USP46: variants seen among roughly 807,000 people sequenced by gnomAD.
USP46 encodes the protein ubiquitin specific peptidase 46.
In USP46, 12 loss-of-function variants were observed where a neutral mutation model predicts 44.4. The ratio of observed to expected loss-of-function variants is 0.27; its 90% CI spans 0.17 to 0.44. The LOEUF is 0.44. USP46 is among the 20% of genes least tolerant of loss of function. The pLI is 1.00. For synonymous variants in USP46, 155 were observed against 161.5 expected (o/e 0.96, Z 0.31); for missense variants, 248 against 444.8 (o/e 0.56, Z 3.98).
intron 4 of USP46, among the ~76,000 whole-genome samples, chr4:52,614,050 C>T (rs1717032989): frequency 6.6e-6 from 1 of 151,994 alleles, no homozygotes; most frequent in Non-Finnish European, 1.5e-5. Context: ...AAACACAATA[C>T]ATTGAATGAA....
At chr4:52,653,796 T>C (rs1718855615) in intron 1 of USP46, among the ~76,000 whole-genome samples, 1 of 152,004 alleles carries the variant, frequency 6.6e-6, no homozygotes, top group African/African-American at 2.4e-5. Context: ...AATACCATCA[T>C]GGAACCCCAA....
intron 1 of USP46, among the ~76,000 whole-genome samples, chr4:52,632,925 A>G (rs952453696): frequency 2.8e-4 from 16 of 56,338 alleles, no homozygotes; most frequent in Non-Finnish European, 4.6e-4. Context: ...AAAGAGAAAG[A>G]AAGAAAGAAA....
In USP46 at chr4:52,604,688, T is replaced by C. The variant is rs1577660486; in HGVS notation, c.639-104A>G. On this transcript the variant is annotated intron_variant, in intron 5 of 8. Coordinates refer to ENST00000441222, the MANE Select transcript of USP46 (RefSeq NM_022832.4). ...CTGTAGGGTAATTTTTAAGTAAAAA[T>C]GGAAGAAGAAGTAATCAGAAAAAAA... 11 of 750,526 alleles carry C rather than the reference T, an allele frequency of 1.5e-5. No individual in the cohort carries two copies. The East Asian group carries it at 3.3e-4, about 22-fold the overall frequency. The allele number at this position is 750,526 out of a possible 1,614,324, so 46.5% of individuals were successfully genotyped here. A position where few individuals can be genotyped will look rare whatever the true frequency, so the allele number is the denominator to read the frequency against.
chr4:52,593,341 A>G lies in USP46; in HGVS notation c.*4299T>C, dbSNP rs1716103179. The G allele has an allele frequency of 6.2e-6, 1 of 162,002 alleles. No homozygotes were observed. The highest frequency in any genetic ancestry group is 1.3e-5 in the Non-Finnish European group (1 of 74,504). 10.0% of individuals were successfully genotyped at this position (162,002 alleles called of 1,614,324 possible). A position where few individuals can be genotyped will look rare whatever the true frequency, so the allele number is the denominator to read the frequency against. ...GCCTTTGGCCTTCGTGGCAGACAGA[A>G]GTGACCTTCCCAACAGTCTCTGTTC... On this transcript the variant is annotated 3_prime_UTR_variant, in exon 9 of 9. Coordinates refer to ENST00000441222, the MANE Select transcript of USP46 (RefSeq NM_022832.4).
At chr4:52,629,659 G>A (rs1014600062) in intron 2 of USP46, 19 of 455,978 alleles carry the variant, frequency 4.2e-5, no homozygotes, top group Admixed American at 2.4e-4. Context: ...CTTCAGTAAC[G>A]CTTGGCCCCA....
intron 1 of USP46, chr4:52,658,145 G>C: frequency 2.2e-6 from 1 of 452,708 alleles, no homozygotes; most frequent in South Asian, 1.6e-5. Flanking sequence ...GCAGTCTAAA[G>C]AATGTAGGCA....
Position 52,592,943 on chromosome 4 carries a change from G to A in USP46, c.*4697C>T. Reference sequence around the variant, plus strand: ...GCTTTCCCTTTGCCTTCTGCTGATTGTAAGTTTCCTGAGGCCTCCCCCAGA... The same window carrying A: ...GCTTTCCCTTTGCCTTCTGCTGATTATAAGTTTCCTGAGGCCTCCCCCAGA... On this transcript the variant is annotated 3_prime_UTR_variant, in exon 9 of 9. Transcript: ENST00000441222. The A allele has an allele frequency of 5.0e-6, 2 of 398,562 alleles. No individual in the cohort carries two copies. The highest frequency in any genetic ancestry group is 4.4e-5 in the Admixed American group (1 of 22,698). The allele number at this position is 398,562 out of a possible 1,614,324, so 24.7% of individuals were successfully genotyped here.
chr4:52,610,648 G>C (rs755586776), intron 4 of USP46, 31 bp from the exon 5 acceptor site: 1 of 1,600,368 alleles, frequency 6.2e-7, no homozygotes, highest in South Asian at 1.1e-5. Context: ...AATATATTAG[G>C]CATGAAATAT....
At chr4:52,630,428 A>G (rs1406336563) in intron 2 of USP46, among the ~76,000 whole-genome samples, 2 of 152,240 alleles carry the variant, frequency 1.3e-5, no homozygotes, top group Non-Finnish European at 2.9e-5. Context: ...CTGGCTGAAC[A>G]GTTCATCCAA....
In USP46 at chr4:52,591,544, G is replaced by A. The variant is rs1314293994; in HGVS notation, c.*6096C>T. On this transcript the variant is annotated 3_prime_UTR_variant, in exon 9 of 9. Coordinates refer to ENST00000441222, the MANE Select transcript of USP46 (RefSeq NM_022832.4). ...GATGCATCCGTGTAATTGACAACCT[G>A]AGTACGATCCCAAGGTTGTTAATAT... The A allele has an allele frequency of 6.6e-6, 1 of 152,226 alleles. No individual in the cohort carries two copies. The highest frequency in any genetic ancestry group is 1.5e-5 in the Non-Finnish European group (1 of 68,044). The allele number at this position is 152,226 out of a possible 1,614,324, so 9.4% of individuals were successfully genotyped here. A position where few individuals can be genotyped will look rare whatever the true frequency, so the allele number is the denominator to read the frequency against.
chr4:52,638,992 T>C (rs1452742413), intron 1 of USP46, among the ~76,000 whole-genome samples: 4 of 152,200 alleles, frequency 2.6e-5, no homozygotes, highest in African/African-American at 4.8e-5. Context: ...ATATTGACAT[T>C]TGGAACCAAA....
At chr4:52,640,275 C>G (rs979813781) in intron 1 of USP46, among the ~76,000 whole-genome samples, 5 of 152,024 alleles carry the variant, frequency 3.3e-5, no homozygotes, top group Non-Finnish European at 7.4e-5. Flanking sequence ...CATCAACAGA[C>G]ACTGAGCCCT....
chr4:52,656,536 G>A (rs1718959780), intron 1 of USP46: 2 of 1,410,102 alleles, frequency 1.4e-6, no homozygotes, highest in Admixed American at 5.9e-5. Context: ...CTTCCACCAG[G>A]TCTGAAATGG....
At chr4:52,643,442 A>T (rs1431156150) in intron 1 of USP46, among the ~76,000 whole-genome samples, 2 of 152,260 alleles carry the variant, frequency 1.3e-5, no homozygotes, top group African/African-American at 4.8e-5. Context: ...ACTTATGGCA[A>T]CTACTTTCAC....
chr4:52,650,604 T>C (rs537755875), intron 1 of USP46, among the ~76,000 whole-genome samples: 1 of 152,256 alleles, frequency 6.6e-6, no homozygotes, highest in Non-Finnish European at 1.5e-5. Context: ...TACATTTTAA[T>C]ATCTGTTAAA....
chr4:52,641,602 G>A (rs753454756), intron 1 of USP46, among the ~76,000 whole-genome samples: 3 of 152,098 alleles, frequency 2.0e-5, no homozygotes, highest in Non-Finnish European at 2.9e-5. Flanking sequence ...TCAAAACAAT[G>A]GCATTAAAAG....
intron 1 of USP46, chr4:52,656,588 A>G (rs1419907968): frequency 7.7e-7 from 1 of 1,298,396 alleles, no homozygotes; most frequent in Non-Finnish European, 9.8e-7. Flanking sequence ...AGATGACATA[A>G]CAATGAGAAA....
At chr4:52,601,076 G>A (rs1361901091) in intron 7 of USP46, among the ~76,000 whole-genome samples, 3 of 152,148 alleles carry the variant, frequency 2.0e-5, no homozygotes, top group East Asian at 1.9e-4. Context: ...TGGTAATGGT[G>A]TATTCACCAT....
At position 52,609,983 on chromosome 4, in the gene USP46, T is replaced by C. The variant is rs346008; in HGVS notation, c.638+558A>G. Among the ~76,000 whole-genome samples, 5 of 119,382 alleles carry C rather than the reference T, an allele frequency of 4.2e-5. No individual in the cohort carries two copies. The Admixed American group carries it at 4.3e-4, about 10-fold the overall frequency. 78.3% of individuals were successfully genotyped at this position (119,382 alleles called of 152,430 possible). A position where few individuals can be genotyped will look rare whatever the true frequency, so the allele number is the denominator to read the frequency against. ...CTCTGTCGCCCAGGCTGGAGTGCAG[T>C]GGCGCGATCTCGACTCACTGCAAGC... On this transcript the variant is annotated intron_variant, in intron 5 of 8. Transcript: ENST00000441222.
Sources: gnomAD v4.1 joint callset for allele counts (sites outside exome capture counted in the v4.1 genomes callset) on GRCh38, gnomAD v4.1.1 for gene constraint, MANE v1.5 for transcripts, NCBI Gene and HGNC (gene_info 2026-07-23, HGNC 2026-07-21) for gene names.